Variants in IL1RAPL1 observed in about 807,000 individuals in gnomAD.
IL1RAPL1 encodes the protein interleukin 1 receptor accessory protein like 1, also known as interleukin-1 receptor accessory protein-like 1.
Under a neutral mutation model 48.4 loss-of-function variants are expected in IL1RAPL1, and 3 were observed. The observed-to-expected ratio is 0.06, with a 90% confidence interval of 0.03 to 0.16. The LOEUF (loss-of-function observed/expected upper bound fraction) is 0.16. IL1RAPL1 is among the 10% of genes least tolerant of loss of function. The pLI is 1.00. For synonymous variants in IL1RAPL1, 185 were observed against 187.7 expected (o/e 0.99, Z 0.12); for missense variants, 349 against 530.6 (o/e 0.66, Z 3.36).
rs146012637 is a variant in IL1RAPL1, at chrX:28,827,982, G to A, written c.82+38557G>A. ...TGTCTTGAAAGTTTCTGATTTGTAT[G>A]TGTCTCCACTAGTTTACTCTTCTTT... On this transcript the variant is annotated intron_variant, in intron 2 of 10. Transcript: ENST00000378993. Among the ~76,000 whole-genome samples, 268 of 111,824 alleles carry A rather than the reference G, an allele frequency of 2.4e-3. 1 individual carries two copies. The highest frequency in any genetic ancestry group is 8.2e-3 in the African/African-American group (254 of 30,871).
At chrX:29,533,958 C>A (rs778536324) in intron 5 of IL1RAPL1, among the ~76,000 whole-genome samples, 1 of 111,053 alleles carries the variant, frequency 9.0e-6, no homozygotes, top group Non-Finnish European at 1.9e-5. Context: ...GGAGGCTCCA[C>A]CCTCATAAAT....
chrX:29,925,218 A>G (rs1460704799), intron 8 of IL1RAPL1, among the ~76,000 whole-genome samples: 1 of 110,205 alleles, frequency 9.1e-6, no homozygotes, highest in Non-Finnish European at 1.9e-5. Context: ...AAAGACAATG[A>G]CCCATTAAAA....
chrX:28,966,142 A>G (rs1305684719), intron 2 of IL1RAPL1, among the ~76,000 whole-genome samples: 1 of 112,004 alleles, frequency 8.9e-6, no homozygotes, highest in Non-Finnish European at 1.9e-5. Context: ...GAAACTTGCA[A>G]TTTTTGTTAG....
intron 1 of IL1RAPL1, among the ~76,000 whole-genome samples, chrX:28,700,663 G>A (rs746727167): frequency 1.8e-5 from 2 of 109,992 alleles, no homozygotes; most frequent in East Asian, 2.9e-4. Flanking sequence ...TTTAAGCCCC[G>A]CATGCATTAG....
At chrX:29,101,111 GACTA>G (rs1357269896) in intron 2 of IL1RAPL1, among the ~76,000 whole-genome samples, 3 of 111,489 alleles carry the variant, frequency 2.7e-5, no homozygotes, top group Admixed American at 9.6e-5. Context: ...CCTTTAGCCA[GACTA>G]ACTAAGAAAA....
At chrX:28,762,762 A>G (rs1936186271) in intron 1 of IL1RAPL1, among the ~76,000 whole-genome samples, 1 of 106,091 alleles carries the variant, frequency 9.4e-6, no homozygotes, top group Non-Finnish European at 1.9e-5. Flanking sequence ...TTGTATATAT[A>G]TAAAATCTAA....
intron 2 of IL1RAPL1, among the ~76,000 whole-genome samples, chrX:29,170,435 A>G (rs1929885168): frequency 8.9e-6 from 1 of 111,854 alleles, no homozygotes; most frequent in Non-Finnish European, 1.9e-5. Flanking sequence ...AAAACTATAT[A>G]TGAAGATGAA....
intron 1 of IL1RAPL1, among the ~76,000 whole-genome samples, chrX:28,787,972 G>T (rs983239800): frequency 2.7e-5 from 3 of 111,803 alleles, no homozygotes; most frequent in African/African-American, 9.8e-5. Context: ...AGAGTAGAAT[G>T]GTGGTGGCCA....
chrX:29,043,841 T>C (rs1926897147), intron 2 of IL1RAPL1, among the ~76,000 whole-genome samples: 1 of 111,932 alleles, frequency 8.9e-6, no homozygotes, highest in South Asian at 3.8e-4. Flanking sequence ...AATTTCGAGC[T>C]CCCCTTGGTT....
At chrX:29,397,457 G>C (rs747780550) in intron 4 of IL1RAPL1, among the ~76,000 whole-genome samples, 4 of 112,421 alleles carry the variant, frequency 3.6e-5, no homozygotes, top group Non-Finnish European at 7.5e-5. Flanking sequence ...GAAATTGTGG[G>C]TTCAGAACAT....
intron 1 of IL1RAPL1, among the ~76,000 whole-genome samples, chrX:28,712,423 C>A (rs898488607): frequency 2.7e-5 from 3 of 110,838 alleles, no homozygotes. Flanking sequence ...AGCACCCTGA[C>A]AACCTGTGAT....
At chrX:28,851,856 T>C in intron 2 of IL1RAPL1, among the ~76,000 whole-genome samples, 1 of 112,453 alleles carries the variant, frequency 8.9e-6, no homozygotes, top group Non-Finnish European at 1.9e-5. Flanking sequence ...TTTGAAAATG[T>C]ATTTGCTTGA....
rs757116754 is a variant in IL1RAPL1 at position 29,902,129 on chromosome X, GGTGA to G, written c.779-15332_779-15329del. Among the ~76,000 whole-genome samples, 3 of 109,765 alleles carry G rather than the reference GGTGA, an allele frequency of 2.7e-5. No homozygotes were observed. In the South Asian group the frequency reaches 1.2e-3, roughly 43 times the overall value. On this transcript the variant is annotated intron_variant, in intron 6 of 10. Coordinates refer to ENST00000378993, the MANE Select transcript of IL1RAPL1 (RefSeq NM_014271.4). ...TTTAGAGCAAATCAATTTCCTGGCA[GGTGA>G]GTAATTTCTACTGTATAGTCATCAT...
At chrX:28,829,521 C>CA (rs1377391841) in intron 2 of IL1RAPL1, among the ~76,000 whole-genome samples, 2 of 107,955 alleles carry the variant, frequency 1.9e-5, no homozygotes, top group African/African-American at 3.4e-5. Context: ...CTTCTGATTC[C>CA]AATTTATTGA....
At chrX:29,078,773 T>C (rs1404252823) in intron 2 of IL1RAPL1, among the ~76,000 whole-genome samples, 1 of 111,650 alleles carries the variant, frequency 9.0e-6, no homozygotes, top group Non-Finnish European at 1.9e-5. Flanking sequence ...GTAATTATGG[T>C]AACAATTCCT....
At chrX:29,588,292 G>A (rs1274088945) in intron 5 of IL1RAPL1, among the ~76,000 whole-genome samples, 1 of 112,301 alleles carries the variant, frequency 8.9e-6, no homozygotes, top group East Asian at 2.8e-4. Flanking sequence ...GTTGCCCTAT[G>A]AATTTATGGT....
chrX:29,306,530 GAAAAAAAAAAAAA>G (rs1166748708), intron 3 of IL1RAPL1, among the ~76,000 whole-genome samples: 7 of 33,450 alleles, frequency 2.1e-4, no homozygotes, highest in Non-Finnish European at 2.8e-4. Context: ...TCTGTCAAAA[GAAAAAAAAAAAAA>G]AAAAAAAAAA....
intron 6 of IL1RAPL1, among the ~76,000 whole-genome samples, chrX:29,879,357 A>ATGTGTGTG (rs370851302): frequency 2.0e-4 from 17 of 83,985 alleles, no homozygotes; most frequent in Non-Finnish European, 3.6e-4. Flanking sequence ...AGTTTTATAT[A>ATGTGTGTG]TGTGTGTGTG....
At chrX:28,783,163 G>T (rs933145699) in intron 1 of IL1RAPL1, among the ~76,000 whole-genome samples, 2 of 111,431 alleles carry the variant, frequency 1.8e-5, no homozygotes, top group Admixed American at 9.6e-5. Context: ...TACTGCTCCA[G>T]TAGTCTATAG....
Sources: gnomAD v4.1 joint callset for allele counts (sites outside exome capture counted in the v4.1 genomes callset) on GRCh38, gnomAD v4.1.1 for gene constraint, MANE v1.5 for transcripts, NCBI Gene and HGNC (gene_info 2026-07-23, HGNC 2026-07-21) for gene names.